Variants in CR1 observed in about 807,000 individuals in gnomAD.
The protein encoded by CR1 is complement C3b/C4b receptor 1 (Knops blood group).
CR1 carries 116 observed loss-of-function variants against 187.3 expected under a neutral mutation model. The observed-to-expected ratio is 0.62, with a 90% confidence interval of 0.53 to 0.72. CR1 has a LOEUF of 0.72. CR1 is among the 30% of genes least tolerant of loss of function. The pLI is 0.00. For missense variants in CR1, 1,731 were observed against 2,110.7 expected (o/e 0.82, Z 3.52); for synonymous variants, 576 against 747.1 (o/e 0.77, Z 3.73).
chr1:207,503,548 C>A (rs1344180284), intron 1 of CR1, among the ~76,000 whole-genome samples: 1 of 152,172 alleles, frequency 6.6e-6, no homozygotes, highest in Admixed American at 6.5e-5. Context: ...CCTTCCTCTA[C>A]CTTCCAAACC....
At position 207,587,427 on chromosome 1, in the gene CR1, A is replaced by T. The variant is rs61734514; in HGVS notation, c.5572A>T (p.Thr1858Ser). 1.5e-5 allele frequency: 24 copies of T among 1,613,804 alleles called. No individual in the cohort carries two copies. The African/African-American group carries it at 2.9e-4, about 20-fold the overall frequency. The change falls in exon 34 of 47, where the codon ACG (threonine) becomes TCG (serine). Residue 1858 changes from threonine (T) to serine (S), a missense_variant. Transcript: ENST00000367049. ...AGAGCAGTTTCCATTTGCCAGTCCT[A>T]CGATCCCAATTAATGACTTTGAGTT... is the stretch of plus-strand genomic sequence containing the variant. ...TPEQFPFASP[T>S]IPINDFEFPV...
intron 35 of CR1, among the ~76,000 whole-genome samples, chr1:207,590,802 G>A (rs992747155): frequency 6.6e-6 from 1 of 152,052 alleles, no homozygotes; most frequent in Non-Finnish European, 1.5e-5. Context: ...TAAAAGCAGG[G>A]GTTACAGTCC....
chr1:207,566,502 T>C lies in CR1; in HGVS notation c.3952+579T>C, dbSNP rs1363205511. Among the ~76,000 whole-genome samples the C allele has an allele frequency of 3.3e-5, 5 of 150,090 alleles. No individual in the cohort carries two copies. The South Asian group carries it at 6.2e-4, about 19-fold the overall frequency. ...AAGATGGATGAATTCCCTGTCCCCA[T>C]GTTGTTTCTACTTAGGTGGGGAGAG... On this transcript the variant is annotated intron_variant, in intron 24 of 46. Transcript: ENST00000367049.
chr1:207,618,063 G>T lies in CR1; in HGVS notation c.6890-8G>T, dbSNP rs569906368. The T allele has an allele frequency of 7.4e-6, 12 of 1,611,174 alleles. No individual in the cohort carries two copies. The highest frequency in any genetic ancestry group is 2.2e-5 in the South Asian group (2 of 90,658). The stretch of plus-strand genomic sequence containing the variant: ...TTTTCTTGTGTTTGTGTGGGAACTT[G>T]TTCTTAGCCTGCCCACATCCACCCA... On this transcript the variant is annotated splice_region_variant and splice_polypyrimidine_tract_variant and intron_variant, in intron 41 of 46. Coordinates refer to ENST00000367049, the MANE Select transcript of CR1 (RefSeq NM_000651.6).
chr1:207,523,683 A>G lies in CR1; in HGVS notation c.560A>G (p.Tyr187Cys), dbSNP rs778319139. ...AGCACCAACAGAGAGAATTTTCACT[A>G]TGGATCAGTGGTGACCTACCGCTGC... ...FISTNRENFHYGSVVTYRCNP... is the reference protein window; with the variant it reads ...FISTNRENFHCGSVVTYRCNP... The change falls in exon 5 of 47, where the codon TAT (tyrosine) becomes TGT (cysteine). Residue 187 changes from tyrosine (Y) to cysteine (C), a missense_variant. Around this residue, in one of 5 missense-constraint regions of CR1, gnomAD observed 237 missense variants for 240.4 expected, o/e 0.99. Coordinates refer to ENST00000367049, the MANE Select transcript of CR1 (RefSeq NM_000651.6). 3.7e-6 allele frequency: 6 copies of G among 1,613,788 alleles called. No individual in the cohort carries two copies. Among genetic ancestry groups the G allele is most frequent in the Admixed American group, 1.7e-5 (1 of 60,012 alleles).
chr1:207,574,183 C>A (rs1660663398), intron 27 of CR1, among the ~76,000 whole-genome samples: 1 of 152,076 alleles, frequency 6.6e-6, no homozygotes, highest in Non-Finnish European at 1.5e-5. Context: ...ATTCAAAATA[C>A]ATGTAGCAAA....
chr1:207,605,117 A>C (rs572357601), intron 35 of CR1, among the ~76,000 whole-genome samples: 1 of 152,146 alleles, frequency 6.6e-6, no homozygotes, highest in African/African-American at 2.4e-5. Context: ...AAAATTAGCC[A>C]GGCATGGCAG....
chr1:207,608,161 G>A (rs1323679228), intron 36 of CR1, among the ~76,000 whole-genome samples: 2 of 152,142 alleles, frequency 1.3e-5, no homozygotes, highest in African/African-American at 4.8e-5. Flanking sequence ...CAACCTAAAT[G>A]TTCAGCATGG....
At position 207,584,887 on chromosome 1, in the gene CR1, A is replaced by T. The variant is rs1752688; in HGVS notation, c.5530+11A>T. On this transcript the variant is annotated intron_variant, in intron 33 of 46. Transcript: ENST00000367049. ...TTTCTGTTCGTGCTGGTCAGTATCC[A>T]CTTCCACATATCCTAAATGGGTTCA... 6.2e-7 allele frequency: 1 copy of T among 1,613,440 alleles called. No homozygotes were observed. Among genetic ancestry groups the T allele is most frequent in the Non-Finnish European group, 8.5e-7 (1 of 1,179,712 alleles).
intron 45 of CR1, among the ~76,000 whole-genome samples, chr1:207,629,038 G>C (rs1662569628): frequency 6.6e-6 from 1 of 152,086 alleles, no homozygotes; most frequent in South Asian, 2.1e-4. Context: ...ATATTTCACT[G>C]TGTATTTACA....
chr1:207,627,374 G>A (rs1662514919), intron 45 of CR1, among the ~76,000 whole-genome samples: 1 of 152,100 alleles, frequency 6.6e-6, no homozygotes, highest in African/African-American at 2.4e-5. Context: ...CTGTCCCTGG[G>A]ACAAAGAGAG....
intron 3 of CR1, among the ~76,000 whole-genome samples, chr1:207,510,997 T>C (rs1354052147): frequency 1.3e-5 from 2 of 151,952 alleles, no homozygotes; most frequent in Non-Finnish European, 2.9e-5. Context: ...TTTTTATAAA[T>C]TTTTTGTACA....
At chr1:207,605,812 A>G (rs904145222) in intron 35 of CR1, 2 of 152,216 alleles carry the variant, frequency 1.3e-5, no homozygotes, top group African/African-American at 4.8e-5. Context: ...AAAAGATTGT[A>G]TACCATAGCC....
intron 36 of CR1, among the ~76,000 whole-genome samples, chr1:207,607,988 C>T (rs1661801744): frequency 6.6e-6 from 1 of 152,158 alleles, no homozygotes; most frequent in Admixed American, 6.5e-5. Flanking sequence ...CACAGACTTC[C>T]AGAAAGCTAA....
At chr1:207,632,797 C>CAAAAAAAAAAAAAAAAA (rs55649027) in intron 46 of CR1, among the ~76,000 whole-genome samples, 2 of 107,658 alleles carry the variant, frequency 1.9e-5, no homozygotes, top group African/African-American at 4.4e-5. Context: ...GACTCCGTCT[C>CAAAAAAAAAAAAAAAAA]AAAAAAAAAA....
In CR1 at chr1:207,577,895, A is replaced by G. The variant is rs1454378623; in HGVS notation, c.4628A>G (p.Tyr1543Cys). Residue 1543 changes from tyrosine to cysteine, a missense_variant, in exon 29 of 47, where the codon TAC (tyrosine) becomes TGC (cysteine). By Grantham distance (194) the Tyr-to-Cys change is radical. This residue lies in a region of CR1 where 1,312 missense variants were observed against 1,379.6 expected (regional missense o/e 0.95). Coordinates refer to ENST00000367049, the MANE Select transcript of CR1 (RefSeq NM_000651.6). ...ENFHYGSVVT[Y>C]RCNLGSRGRK... ...TTTCACTATGGATCAGTGGTGACCT[A>G]CCGCTGCAATCTTGGAAGCAGAGGG... The G allele has an allele frequency of 6.2e-7, 1 of 1,613,388 alleles. No individual in the cohort carries two copies. The highest frequency in any genetic ancestry group is 8.5e-7 in the Non-Finnish European group (1 of 1,179,822).
At chr1:207,496,560 T>G (rs1659093844) in intron 1 of CR1, among the ~76,000 whole-genome samples, 172 bp downstream of exon 1, 1 of 152,232 alleles carries the variant, frequency 6.6e-6, no homozygotes, top group Non-Finnish European at 1.5e-5. Flanking sequence ...AGGATCCTTC[T>G]GCGCACTGGA....
chr1:207,617,600 TATATATATATATAG>T (rs1662170505), intron 41 of CR1, among the ~76,000 whole-genome samples: 3 of 33,020 alleles, frequency 9.1e-5, no homozygotes, highest in South Asian at 1.5e-3. Flanking sequence ...TATATATATA[TATATATATATATAG>T]AGAGAGAGAG....
chr1:207,602,716 G>C (rs986583706), intron 35 of CR1, among the ~76,000 whole-genome samples: 4 of 152,076 alleles, frequency 2.6e-5, no homozygotes, highest in Non-Finnish European at 4.4e-5. Context: ...TAGAGAGAGA[G>C]AGAAGGCAAA....
Sources: allele counts gnomAD v4.1 joint callset (sites outside exome capture counted in the v4.1 genomes callset), GRCh38; gene constraint gnomAD v4.1.1; regional missense constraint gnomAD v4.1.1; transcripts MANE v1.5; gene names NCBI Gene and HGNC (gene_info 2026-07-23, HGNC 2026-07-21).